The following LPCAT1 variants were observed in gnomAD, a reference collection of about 807,000 sequenced individuals.
LPCAT1 encodes the protein lysophosphatidylcholine acyltransferase 1.
Under a neutral mutation model 60.9 loss-of-function variants are expected in LPCAT1, and 23 were observed. That is an observed-to-expected ratio of 0.38 (90% CI 0.27 to 0.53). LPCAT1 has a LOEUF of 0.53. Among genes scored for constraint, LPCAT1 ranks in the 20% least tolerant of loss-of-function variants. The pLI, the probability that LPCAT1 is intolerant of heterozygous loss-of-function variation, is 0.82. For missense variants in LPCAT1, 622 were observed against 723.6 expected (o/e 0.86, Z 1.61); for synonymous variants, 340 against 301.1 (o/e 1.13, Z -1.34).
chr5:1,463,798 G>T lies in LPCAT1; in HGVS notation c.1458C>A (p.Phe486Leu), dbSNP rs772635191. ...FHRFAEMYPAFAEEYLYPDQT... is the reference protein window; with the variant it reads ...FHRFAEMYPALAEEYLYPDQT... The stretch of plus-strand genomic sequence containing the variant: ...GATCCGGGTACAGGTATTCCTCTGC[G>T]AAGGCAGGGTACATTTCTGCAAACC... Residue 486 changes from phenylalanine (F) to leucine (L), a missense_variant, in exon 14 of 14, where the codon TTC (phenylalanine) becomes TTA (leucine). Around this residue, in one of 3 missense-constraint regions of LPCAT1, gnomAD observed 288 missense variants for 283.6 expected, o/e 1.02. Coordinates refer to ENST00000283415, the MANE Select transcript of LPCAT1 (RefSeq NM_024830.5). 1 of 1,614,098 alleles carries T rather than the reference G, an allele frequency of 6.2e-7. No individual in the cohort carries two copies.
At chr5:1,503,721 T>C (rs562003735) in intron 1 of LPCAT1, among the ~76,000 whole-genome samples, 1 of 152,202 alleles carries the variant, frequency 6.6e-6, no homozygotes, top group Non-Finnish European at 1.5e-5. Context: ...CCAACCCTAC[T>C]GTTTATAGAG....
chr5:1,490,103 T>C (rs1417632863), intron 3 of LPCAT1, among the ~76,000 whole-genome samples: 1 of 152,178 alleles, frequency 6.6e-6, no homozygotes, highest in Non-Finnish European at 1.5e-5. Flanking sequence ...AGCAAGTCCA[T>C]GGCACCCACT....
chr5:1,503,559 G>A (rs1736092416), intron 1 of LPCAT1, among the ~76,000 whole-genome samples: 1 of 152,198 alleles, frequency 6.6e-6, no homozygotes, highest in African/African-American at 2.4e-5. Context: ...AAAAGGAATT[G>A]CTAGGTCTGT....
chr5:1,466,756 G>A lies in LPCAT1; in HGVS notation c.1413C>T (p.Ile471=), dbSNP rs779476967. 36 of 1,611,572 alleles carry A rather than the reference G, an allele frequency of 2.2e-5. No homozygotes were observed. The African/African-American group carries it at 4.5e-4, about 20-fold the overall frequency. Residue 471 remains isoleucine (I), a synonymous_variant, in exon 13 of 14, where the codon ATC becomes ATT. Transcript: ENST00000283415. The part of the protein sequence containing the change: ...RAIDQEEKGK[I]TFADFHRFAE... ...CCACTCCTGCGGGCTCACCGAATGT[G>A]ATCTTCCCCTTCTCCTCTTGGTCAA...
intron 11 of LPCAT1, among the ~76,000 whole-genome samples, chr5:1,472,009 G>GCA (rs1560953331): frequency 6.6e-6 from 1 of 151,432 alleles, no homozygotes; most frequent in African/African-American, 2.4e-5. Flanking sequence ...GGAGCACTCA[G>GCA]GAGCAGAGGG....
Position 1,483,280 on chromosome 5 carries a change from G to T in LPCAT1, c.726+148C>A. On this transcript the variant is annotated intron_variant, in intron 6 of 13. Coordinates refer to ENST00000283415, the MANE Select transcript of LPCAT1 (RefSeq NM_024830.5). The surrounding 1 kb of genome is among the most constrained non-coding windows in gnomAD (Gnocchi z 9.2). ...CCTGTCCTGCCCTCTCCAGCGCTGA[G>T]GCCGGATGGACTCAGCATGGCCAAG... 1.1e-6 allele frequency: 1 copy of T among 918,140 alleles called. No individual in the cohort carries two copies. The highest frequency in any genetic ancestry group is 1.8e-6 in the Non-Finnish European group (1 of 562,142). The allele number at this position is 918,140 out of a possible 1,614,324, so 56.9% of individuals were successfully genotyped here.
Position 1,477,339 on chromosome 5 carries a change from T to C in LPCAT1, c.899+65A>G, listed in dbSNP as rs1734959060. The C allele has an allele frequency of 7.6e-7, 1 of 1,324,122 alleles. No individual in the cohort carries two copies. Among genetic ancestry groups the C allele is most frequent in the Non-Finnish European group, 1.1e-6 (1 of 930,928 alleles). The allele number at this position is 1,324,122 out of a possible 1,614,324, so 82.0% of individuals were successfully genotyped here. A position where few individuals can be genotyped will look rare whatever the true frequency, so the allele number is the denominator to read the frequency against. ...CTAACGCTGTTGCCTATTTTAAATA[T>C]ACAGAGAGCAGCACTCTGGGAGACA... is the stretch of plus-strand genomic sequence containing the variant. On this transcript the variant is annotated intron_variant, in intron 9 of 13. Transcript: ENST00000283415. This position sits in a 1 kb window ranked among gnomAD's most constrained non-coding sequence, Gnocchi z 6.0.
At chr5:1,504,638 C>T (rs1041799251) in intron 1 of LPCAT1, among the ~76,000 whole-genome samples, 1 of 144,216 alleles carries the variant, frequency 6.9e-6, no homozygotes, top group African/African-American at 2.7e-5. Context: ...CACTTGGACC[C>T]GGGAGTCAGA....
chr5:1,477,223 G>A lies in LPCAT1; in HGVS notation c.899+181C>T, dbSNP rs776862974. ...CGTCAAAGAGGGTGAAATGCCATCA[G>A]AGGGAAACAAGGGGCGCACAGCACA... On this transcript the variant is annotated intron_variant, in intron 9 of 13. Transcript: ENST00000283415. The surrounding 1 kb of genome is among the most constrained non-coding windows in gnomAD (Gnocchi z 6.0). Among the ~76,000 whole-genome samples, 18 of 152,180 alleles carry A rather than the reference G, an allele frequency of 1.2e-4. No homozygotes were observed. Among genetic ancestry groups the A allele is most frequent in the Non-Finnish European group, 2.5e-4 (17 of 68,038 alleles).
intron 12 of LPCAT1, chr5:1,467,205 G>A (rs1734452135): frequency 9.4e-6 from 3 of 318,632 alleles, no homozygotes; most frequent in African/African-American, 4.3e-5. Flanking sequence ...GGGAGGCCGC[G>A]GAAGGGTCCT....
intron 2 of LPCAT1, among the ~76,000 whole-genome samples, chr5:1,498,872 T>C (rs372590972): frequency 6.6e-5 from 10 of 152,288 alleles, no homozygotes; most frequent in African/African-American, 2.2e-4. Flanking sequence ...CCTATGCACG[T>C]GTACCTACTC....
chr5:1,518,740 G>T (rs112660543), intron 1 of LPCAT1, among the ~76,000 whole-genome samples: 2,364 of 152,368 alleles, frequency 0.016, 59 homozygotes, highest in African/African-American at 0.054. Context: ...CTGTGTTCCA[G>T]TGGGAGGAAG....
In LPCAT1 at chr5:1,483,346, A is replaced by G. The variant is rs1735235481; in HGVS notation, c.726+82T>C. On this transcript the variant is annotated intron_variant, in intron 6 of 13. Transcript: ENST00000283415. This position sits in a 1 kb window ranked among gnomAD's most constrained non-coding sequence, Gnocchi z 9.2. ...AGATAAAGGGTGTGGAGAGACAGAG[A>G]CACAGGTGCACAGAGGCAGCTCGCA... The G allele has an allele frequency of 2.2e-6, 3 of 1,380,688 alleles. No homozygotes were observed. Among genetic ancestry groups the G allele is most frequent in the Non-Finnish European group, 3.1e-6 (3 of 968,188 alleles). The allele number at this position is 1,380,688 out of a possible 1,614,324, so 85.5% of individuals were successfully genotyped here.
chr5:1,473,393 C>T (rs899541791), intron 11 of LPCAT1, among the ~76,000 whole-genome samples: 1 of 152,268 alleles, frequency 6.6e-6, no homozygotes, highest in Non-Finnish European at 1.5e-5. Context: ...TGCGTGCCAC[C>T]TCGCACCTTC....
chr5:1,465,884 GGCGCAC>G (rs1645699046), intron 13 of LPCAT1, among the ~76,000 whole-genome samples: 2 of 143,070 alleles, frequency 1.4e-5, no homozygotes, highest in African/African-American at 2.5e-5. Context: ...AACGCACACA[GGCGCAC>G]ACGCACACAC....
At chr5:1,472,581 T>C (rs886710395) in intron 11 of LPCAT1, among the ~76,000 whole-genome samples, 12 of 151,986 alleles carry the variant, frequency 7.9e-5, no homozygotes, top group African/African-American at 2.9e-4. Context: ...AAATAAAAAA[T>C]TAACTGCACA....
At chr5:1,479,055 A>G (rs931977184) in intron 8 of LPCAT1, among the ~76,000 whole-genome samples, 2 of 152,270 alleles carry the variant, frequency 1.3e-5, no homozygotes, top group African/African-American at 4.8e-5. Context: ...GGCCAGCTTC[A>G]TATGTCCTTA....
chr5:1,474,430 A>G (rs2126502483), intron 10 of LPCAT1, 130 bp downstream of exon 10: 1 of 1,260,914 alleles, frequency 7.9e-7, no homozygotes. Flanking sequence ...TTAAGTTGAT[A>G]TTTGAAAAAA....
Position 1,487,930 on chromosome 5 carries a change from G to A in LPCAT1, c.667+461C>T, listed in dbSNP as rs541311740. ...GAGAGACCCAAGTTCACACGCATTT[G>A]AGTCCCCCCTCCCCAGGGAGAAAGA... On this transcript the variant is annotated intron_variant, in intron 5 of 13. Transcript: ENST00000283415. This position sits in a 1 kb window ranked among gnomAD's most constrained non-coding sequence, Gnocchi z 6.1. 6.6e-6 allele frequency among the ~76,000 whole-genome samples: 1 copy of A among 152,272 alleles called. No homozygotes were observed. The highest frequency in any genetic ancestry group is 2.4e-5 in the African/African-American group (1 of 41,548).
Sources: allele counts gnomAD v4.1 joint callset (sites outside exome capture counted in the v4.1 genomes callset), GRCh38; gene constraint gnomAD v4.1.1; regional missense constraint gnomAD v4.1.1; non-coding constraint Gnocchi (gnomAD v3.1); transcripts MANE v1.5; gene names NCBI Gene and HGNC (gene_info 2026-07-23, HGNC 2026-07-21).